Variants in ARAP1 observed in about 807,000 individuals in gnomAD.
ARAP1 encodes the protein ArfGAP with RhoGAP domain, ankyrin repeat and PH domain 1.
A neutral mutation model predicts 172.2 loss-of-function variants in ARAP1; 76 were observed. That is an observed-to-expected ratio of 0.44 (90% CI 0.37 to 0.53). The LOEUF (loss-of-function observed/expected upper bound fraction) is 0.53, where lower values mean the gene tolerates loss of function less well. ARAP1 is among the 20% of genes least tolerant of loss of function. The pLI is 0.00. For synonymous variants in ARAP1, 804 were observed against 803.3 expected, an observed-to-expected ratio of 1.00 and a Z score of -0.01; for missense variants, 1,686 against 1,977.5, an observed-to-expected ratio of 0.85 and a Z score of 2.80.
intron 1 of ARAP1, among the ~76,000 whole-genome samples, chr11:72,739,605 C>T (rs950675439): frequency 9.9e-5 from 15 of 152,210 alleles, no homozygotes; most frequent in African/African-American, 3.6e-4. Flanking sequence ...ACATTCTGAG[C>T]CTCAGTTTCC....
At chr11:72,717,003 GCAGGGGCAGCAT>G (rs1205435114) in intron 3 of ARAP1, among the ~76,000 whole-genome samples, 1 of 152,174 alleles carries the variant, frequency 6.6e-6, no homozygotes, top group African/African-American at 2.4e-5. Flanking sequence ...TCCCTTTGGG[GCAGGGGCAGCAT>G]CTGACTTGGT....
Position 72,727,000 on chromosome 11 carries a change from G to A in ARAP1, c.129C>T (p.Asp43=). ...GCATGCCCATGTCCATCAGGCGGGT[G>A]TCGCTGAGGCCTTGGCACTCAGTGG... The part of the protein sequence containing the change: ...VWATECQGLS[D]TRLMDMGMLL... The change falls in exon 3 of 35, where the codon GAC becomes GAT. Residue 43 remains aspartate, a synonymous_variant. Coordinates refer to ENST00000393609, the MANE Select transcript of ARAP1 (RefSeq NM_001040118.3). This position sits in a 1 kb window ranked among gnomAD's most constrained non-coding sequence, Gnocchi z 6.5. 6.2e-7 allele frequency: 1 copy of A among 1,606,638 alleles called. No homozygotes were observed. Among genetic ancestry groups the A allele is most frequent in the Non-Finnish European group, 8.5e-7 (1 of 1,176,904 alleles).
chr11:72,734,225 A>G (rs1031002283), intron 1 of ARAP1, among the ~76,000 whole-genome samples: 5 of 152,078 alleles, frequency 3.3e-5, no homozygotes, highest in Non-Finnish European at 7.4e-5. Context: ...GGCTCAAGCA[A>G]TCTTCCTGCC....
At chr11:72,714,525 AC>A (rs1591212517) in intron 3 of ARAP1, among the ~76,000 whole-genome samples, 1 of 151,956 alleles carries the variant, frequency 6.6e-6, no homozygotes, top group African/African-American at 2.4e-5. Context: ...GGAAGCAGGC[AC>A]CCTCTTTGGC....
At position 72,698,087 on chromosome 11, in the gene ARAP1, G is replaced by A; in HGVS notation, c.2561C>T (p.Ala854Val). 1 of 1,600,580 alleles carries A rather than the reference G, an allele frequency of 6.2e-7. No individual in the cohort carries two copies. Among genetic ancestry groups the A allele is most frequent in the East Asian group, 2.3e-5 (1 of 44,418 alleles). ...CIAKAFVPPL[A>V]EDLLARDFER... ...AAAATCCCGGGCCAGCAGATCCTCG[G>A]CTAGGGGAGGCACGAATGCCTGGCA... The change falls in exon 19 of 35, where the codon GCC (alanine) becomes GTC (valine). Residue 854 changes from alanine to valine, a missense_variant. Coordinates refer to ENST00000393609, the MANE Select transcript of ARAP1 (RefSeq NM_001040118.3).
At chr11:72,703,252 G>A in intron 14 of ARAP1, 173 bp from the exon 15 acceptor site, 1 of 718,930 alleles carries the variant, frequency 1.4e-6, no homozygotes, top group East Asian at 3.0e-5. Flanking sequence ...AGGGAAGAGA[G>A]AGGCCAAGGG....
chr11:72,712,258 C>T lies in ARAP1; in HGVS notation c.960G>A (p.Gly320=), dbSNP rs772398872. ...TGACTGGTGTGACGGGGGTGGAGCC[C>T]CCAGGCGGCCCGTCCATGGGGTGTG... ...AAPHPMDGPP[G]GSTPVTPVIK... is the part of the protein sequence containing the mutation. The change falls in exon 7 of 35, where the codon GGG becomes GGA. Residue 320 remains glycine (G), a synonymous_variant. Transcript: ENST00000393609. The T allele has an allele frequency of 6.2e-7, 1 of 1,605,108 alleles. No individual in the cohort carries two copies. Among genetic ancestry groups the T allele is most frequent in the South Asian group, 1.1e-5 (1 of 89,962 alleles).
At chr11:72,732,773 G>C (rs998483605) in intron 1 of ARAP1, among the ~76,000 whole-genome samples, 176 bp from the exon 2 acceptor site, 22 of 152,128 alleles carry the variant, frequency 1.4e-4, no homozygotes, top group African/African-American at 5.1e-4. Flanking sequence ...TCGAGTCCAG[G>C]AGTTCAAAAC....
At chr11:72,722,564 C>T (rs376812518) in intron 3 of ARAP1, among the ~76,000 whole-genome samples, 14 of 152,222 alleles carry the variant, frequency 9.2e-5, no homozygotes, top group East Asian at 7.7e-4. Context: ...GAAAGAGGCT[C>T]TCTGAAGGGC....
intron 14 of ARAP1, 184 bp from the exon 15 acceptor site, chr11:72,703,263 G>A (rs1591190951): frequency 1.5e-6 from 1 of 653,222 alleles, no homozygotes; most frequent in East Asian, 3.1e-5. Flanking sequence ...AGGCCAAGGG[G>A]AGGAGGGGTG....
chr11:72,740,809 G>A (rs1247819802), intron 1 of ARAP1, among the ~76,000 whole-genome samples: 1 of 152,088 alleles, frequency 6.6e-6, no homozygotes, highest in Non-Finnish European at 1.5e-5. Flanking sequence ...TAATAAACTC[G>A]AGACGCCAGG....
chr11:72,704,658 C>A, intron 13 of ARAP1: 1 of 300,024 alleles, frequency 3.3e-6, no homozygotes, highest in Non-Finnish European at 6.2e-6. Flanking sequence ...GCTCTGCATT[C>A]CTGAGGCTGT....
chr11:72,705,562 C>CT (rs933605727), intron 13 of ARAP1: 999 of 475,480 alleles, frequency 2.1e-3, no homozygotes, highest in Middle Eastern at 4.8e-3. Context: ...CATTTTCTTC[C>CT]TTTTTTTTTC....
chr11:72,705,365 G>A, intron 13 of ARAP1: 1 of 162,554 alleles, frequency 6.2e-6, no homozygotes, highest in South Asian at 1.6e-4. Context: ...ATGGAAAGAG[G>A]CAGGGATGGT....
chr11:72,699,437 C>G lies in ARAP1; in HGVS notation c.2418G>C (p.Val806=). 6.2e-7 allele frequency: 1 copy of G among 1,614,132 alleles called. No individual in the cohort carries two copies. Among genetic ancestry groups the G allele is most frequent in the Non-Finnish European group, 8.5e-7 (1 of 1,180,026 alleles). ...CTCACCCATGGGTGTCAGGAGGGGGCACTGCCAGGCACACAATCTCGCTGG... is the reference window on the plus strand; with the variant it reads ...CTCACCCATGGGTGTCAGGAGGGGGGACTGCCAGGCACACAATCTCGCTGG... ...IRASEIVCLA[V]PPPDTHGFEH... is the part of the protein sequence containing the mutation. The change falls in exon 17 of 35, where the codon GTG becomes GTC. Residue 806 remains valine (V), a synonymous_variant. Coordinates refer to ENST00000393609, the MANE Select transcript of ARAP1 (RefSeq NM_001040118.3). The surrounding 1 kb of genome is among the most constrained non-coding windows in gnomAD (Gnocchi z 4.2).
chr11:72,743,349 AC>A (rs1313997424), intron 1 of ARAP1, among the ~76,000 whole-genome samples: 2 of 151,284 alleles, frequency 1.3e-5, no homozygotes, highest in Non-Finnish European at 3.0e-5. Context: ...TTTGCTGCCC[AC>A]CCTTCTGAAG....
intron 1 of ARAP1, among the ~76,000 whole-genome samples, chr11:72,739,581 G>A (rs1205341327): frequency 2.0e-5 from 3 of 152,108 alleles, no homozygotes; most frequent in South Asian, 2.1e-4. Context: ...CTGAAGCCTG[G>A]GGCAAGTCAC....
chr11:72,744,970 G>T (rs867474549), intron 1 of ARAP1, among the ~76,000 whole-genome samples: 34 of 152,186 alleles, frequency 2.2e-4, no homozygotes, highest in Admixed American at 4.6e-4. Context: ...GAGCAGGGGA[G>T]GGAAGCCTTT....
rs1856656183 is a variant in ARAP1 at position 72,704,342 on chromosome 11, G to A, written c.1810-8C>T. ...CCCCAGCTGTAAGAAGAGCTGTGGG[G>A]GTGTGCAGGAGGTCAGACGGGCCAG... is the stretch of plus-strand genomic sequence containing the variant. On this transcript the variant is annotated splice_polypyrimidine_tract_variant and splice_region_variant and intron_variant, in intron 13 of 34. Transcript: ENST00000393609. 1.3e-6 allele frequency: 2 copies of A among 1,564,468 alleles called. No homozygotes were observed. The highest frequency in any genetic ancestry group is 1.7e-6 in the Non-Finnish European group (2 of 1,156,060).
Sources: allele counts gnomAD v4.1 joint callset (sites outside exome capture counted in the v4.1 genomes callset), GRCh38; gene constraint gnomAD v4.1.1; non-coding constraint Gnocchi (gnomAD v3.1); transcripts MANE v1.5; gene names NCBI Gene and HGNC (gene_info 2026-07-23, HGNC 2026-07-21).